THSD7B: variants seen among roughly 807,000 people sequenced by gnomAD.
THSD7B encodes the protein thrombospondin type-1 domain-containing protein 7B.
In THSD7B, 138 loss-of-function variants were observed where a neutral mutation model predicts 213.6. The observed-to-expected ratio is 0.65, with a 90% CI of 0.56 to 0.74. The LOEUF is 0.74. THSD7B is among the 30% of genes least tolerant of loss of function. The pLI is 0.00. For synonymous variants in THSD7B, 742 were observed against 687.0 expected, an observed-to-expected ratio of 1.08 and a Z score of -1.25; for missense variants, 1,931 against 1,991.5, an observed-to-expected ratio of 0.97 and a Z score of 0.58.
At chr2:137,224,103 T>C (rs1438992791) in intron 7 of THSD7B, among the ~76,000 whole-genome samples, 1 of 152,134 alleles carries the variant, frequency 6.6e-6, no homozygotes, top group Non-Finnish European at 1.5e-5. Context: ...ACTAAGACAT[T>C]TGGTTAGATT....
At chr2:137,337,402 A>G (rs1684662480) in intron 12 of THSD7B, among the ~76,000 whole-genome samples, 1 of 152,044 alleles carries the variant, frequency 6.6e-6, no homozygotes, top group Non-Finnish European at 1.5e-5. Context: ...CTTTCTCATG[A>G]TTAGATTGAG....
chr2:137,228,387 A>C (rs1414113613), intron 7 of THSD7B, among the ~76,000 whole-genome samples: 2 of 152,148 alleles, frequency 1.3e-5, no homozygotes, highest in Non-Finnish European at 2.9e-5. Flanking sequence ...GAGCACCTGA[A>C]GTGAATACTG....
intron 2 of THSD7B, among the ~76,000 whole-genome samples, chr2:136,931,883 G>A (rs1684637574): frequency 6.6e-6 from 1 of 152,112 alleles, no homozygotes; most frequent in South Asian, 2.1e-4. Flanking sequence ...AACAATTTTA[G>A]ATATTTCAAA....
chr2:137,451,403 T>A (rs1168397387), intron 15 of THSD7B, among the ~76,000 whole-genome samples: 1 of 151,870 alleles, frequency 6.6e-6, no homozygotes, highest in African/African-American at 2.4e-5. Context: ...ATCACTTATG[T>A]CATGGCAATA....
chr2:137,248,431 A>G (rs549259564), intron 10 of THSD7B, among the ~76,000 whole-genome samples: 2 of 152,312 alleles, frequency 1.3e-5, no homozygotes, highest in South Asian at 4.1e-4. Context: ...GAATGAATAA[A>G]TAGACACATC....
chr2:137,499,862 A>C (rs1334564935), intron 15 of THSD7B, among the ~76,000 whole-genome samples: 1 of 152,170 alleles, frequency 6.6e-6, no homozygotes, highest in South Asian at 2.1e-4. Flanking sequence ...GGAGAAACAC[A>C]TCTCATGAGG....
chr2:137,633,649 G>T (rs960360850), intron 20 of THSD7B, among the ~76,000 whole-genome samples: 1 of 152,076 alleles, frequency 6.6e-6, no homozygotes, highest in Admixed American at 6.6e-5. Flanking sequence ...TGTTAAAGGG[G>T]AATATTAATA....
At chr2:137,212,851 C>T (rs889458803) in intron 7 of THSD7B, among the ~76,000 whole-genome samples, 3 of 151,768 alleles carry the variant, frequency 2.0e-5, no homozygotes, top group African/African-American at 7.3e-5. Context: ...GGGTAAGGAA[C>T]AAACCACAAA....
intron 2 of THSD7B, among the ~76,000 whole-genome samples, chr2:136,946,692 G>T (rs2105066862): frequency 6.6e-6 from 1 of 152,294 alleles, no homozygotes; most frequent in Non-Finnish European, 1.5e-5. Flanking sequence ...CAGCAATGGT[G>T]GACACCCCTC....
At chr2:137,035,538 G>A (rs1015592772) in intron 2 of THSD7B, among the ~76,000 whole-genome samples, 1 of 151,886 alleles carries the variant, frequency 6.6e-6, no homozygotes, top group Non-Finnish European at 1.5e-5. Flanking sequence ...GGAGTGGAAA[G>A]GGATAGTGTT....
chr2:137,124,267 C>T (rs1173910970), intron 5 of THSD7B, among the ~76,000 whole-genome samples: 2 of 152,126 alleles, frequency 1.3e-5, no homozygotes, highest in African/African-American at 4.8e-5. Context: ...AGTGCAATTT[C>T]TGAAACAAAG....
intron 15 of THSD7B, among the ~76,000 whole-genome samples, chr2:137,498,065 A>G (rs1679613080): frequency 6.6e-6 from 1 of 152,210 alleles, no homozygotes; most frequent in Non-Finnish European, 1.5e-5. Flanking sequence ...ATATTAAATA[A>G]TCCAAGGCAT....
Position 137,231,210 on chromosome 2 carries a change from A to G in THSD7B, c.1890A>G (p.Arg630=), listed in dbSNP as rs1251463919. Residue 630 remains arginine, a synonymous_variant, in exon 8 of 28, where the codon AGA becomes AGG. Transcript: ENST00000409968. The stretch of plus-strand genomic sequence containing the variant: ...CAGATGGGAAACAGACCAGGTCAAG[A>G]ACTATCCTGGCACTGGCTGGGGAAG... ...KNSDGKQTRS[R]TILALAGEGG... The G allele has an allele frequency of 1.4e-5, 22 of 1,611,972 alleles. No individual in the cohort carries two copies. Among genetic ancestry groups the G allele is most frequent in the Non-Finnish European group, 1.7e-5 (20 of 1,178,980 alleles).
chr2:137,663,447 A>G lies in THSD7B; in HGVS notation c.4523A>G (p.Tyr1508Cys). The G allele has an allele frequency of 6.3e-7, 1 of 1,595,704 alleles. No individual in the cohort carries two copies. The highest frequency in any genetic ancestry group is 2.2e-5 in the East Asian group (1 of 44,472). The change falls in exon 26 of 28, where the codon TAC becomes TGC. Residue 1508 changes from tyrosine to cysteine, a missense_variant. By Grantham distance (194) the Tyr-to-Cys change is radical (BLOSUM62 -2). Transcript: ENST00000409968. The part of the protein sequence containing the change: ...EIMKSNGFLD[Y>C]CMKVPGSEDK... ...ATGAAATCAAATGGTTTCCTGGATTACTGCATGAAAGTACCAGGCTCAGAG... is the reference window on the plus strand; with the variant it reads ...ATGAAATCAAATGGTTTCCTGGATTGCTGCATGAAAGTACCAGGCTCAGAG...
Position 137,242,444 on chromosome 2 carries a change from T to C in THSD7B, c.2151-13T>C. 6.2e-7 allele frequency: 1 copy of C among 1,607,166 alleles called. No homozygotes were observed. The highest frequency in any genetic ancestry group is 1.3e-5 in the African/African-American group (1 of 74,884). On this transcript the variant is annotated splice_polypyrimidine_tract_variant and intron_variant, in intron 9 of 27. Coordinates refer to ENST00000409968, the MANE Select transcript of THSD7B (RefSeq NM_001316349.2). The stretch of plus-strand genomic sequence containing the variant: ...CTCAAAAAGGCATTGACATGGTCTT[T>C]TCACATTGACAGATGTCCAGATTCT...
intron 17 of THSD7B, among the ~76,000 whole-genome samples, chr2:137,604,118 A>G (rs1682126073): frequency 6.6e-6 from 1 of 152,068 alleles, no homozygotes; most frequent in South Asian, 2.1e-4. Context: ...TAATAATAAT[A>G]AAATAAAAAA....
intron 14 of THSD7B, among the ~76,000 whole-genome samples, chr2:137,429,499 A>C (rs1180126288): frequency 1.3e-5 from 2 of 152,308 alleles, no homozygotes; most frequent in South Asian, 2.1e-4. Flanking sequence ...AAATATTGGC[A>C]CTATGAATTT....
chr2:137,170,198 C>T (rs1680217779), intron 6 of THSD7B, among the ~76,000 whole-genome samples: 1 of 152,018 alleles, frequency 6.6e-6, no homozygotes, highest in South Asian at 2.1e-4. Flanking sequence ...CCATGTCTAG[C>T]CTGGGTGGAA....
rs1203070066 is a variant in THSD7B, at chr2:137,305,831, C to G, written c.2500+29805C>G. Reference sequence around the variant, plus strand: ...TAGAGTGTACTTACATGACACACATCTAGATAGGATAGCCTACTATACACC... The same window carrying G: ...TAGAGTGTACTTACATGACACACATGTAGATAGGATAGCCTACTATACACC... On this transcript the variant is annotated intron_variant, in intron 12 of 27. Transcript: ENST00000409968. Among the ~76,000 whole-genome samples, 3 of 152,206 alleles carry G rather than the reference C, an allele frequency of 2.0e-5. No individual in the cohort carries two copies. The East Asian group carries it at 5.8e-4, about 29-fold the overall frequency.
Sources: gnomAD v4.1 joint callset for allele counts (sites outside exome capture counted in the v4.1 genomes callset) on GRCh38, gnomAD v4.1.1 for gene constraint, MANE v1.5 for transcripts, NCBI Gene and HGNC (gene_info 2026-07-23, HGNC 2026-07-21) for gene names.